UNC5D: variants seen among roughly 807,000 people sequenced by gnomAD.
The protein encoded by UNC5D is netrin receptor UNC5D.
A neutral mutation model predicts 105.4 loss-of-function variants in UNC5D; 39 were observed. The observed-to-expected ratio is 0.37, with a 90% CI of 0.29 to 0.48. UNC5D has a LOEUF of 0.48. Ranked by LOEUF, UNC5D falls within the 20% of genes least tolerant of loss-of-function variation. UNC5D has a pLI of 0.98. For synonymous variants in UNC5D, 452 were observed against 450.4 expected (o/e 1.00, Z -0.04); for missense variants, 991 against 1,202.4 (o/e 0.82, Z 2.60).
At chr8:35,661,403 T>A (rs1044944026) in intron 4 of UNC5D, among the ~76,000 whole-genome samples, 1 of 152,182 alleles carries the variant, frequency 6.6e-6, no homozygotes, top group Non-Finnish European at 1.5e-5. Context: ...TGGTTTCCTT[T>A]TAGGTTGGTA....
chr8:35,544,201 C>A (rs1289410508), intron 1 of UNC5D, among the ~76,000 whole-genome samples: 1 of 152,140 alleles, frequency 6.6e-6, no homozygotes, highest in African/African-American at 2.4e-5. Flanking sequence ...TAAACGGCAG[C>A]TCTTATTTTG....
At chr8:35,535,763 G>C (rs1484883843) in intron 1 of UNC5D, among the ~76,000 whole-genome samples, 1 of 152,046 alleles carries the variant, frequency 6.6e-6, no homozygotes, top group Non-Finnish European at 1.5e-5. Flanking sequence ...CTCTTTCTCT[G>C]CTTCCTCCTT....
intron 1 of UNC5D, among the ~76,000 whole-genome samples, chr8:35,353,060 C>G (rs1812353645): frequency 6.6e-6 from 1 of 152,106 alleles, no homozygotes; most frequent in South Asian, 2.1e-4. Flanking sequence ...TAAAGTTTGA[C>G]AAATTCAACT....
At chr8:35,258,951 G>T (rs1449468995) in intron 1 of UNC5D, among the ~76,000 whole-genome samples, 1 of 152,116 alleles carries the variant, frequency 6.6e-6, no homozygotes, top group Non-Finnish European at 1.5e-5. Context: ...GTGATTCAGG[G>T]CAGCACCAAG....
At chr8:35,758,343 T>G (rs1300386373) in intron 13 of UNC5D, among the ~76,000 whole-genome samples, 1 of 150,048 alleles carries the variant, frequency 6.7e-6, no homozygotes, top group Non-Finnish European at 1.5e-5. Flanking sequence ...CTATTTGTTT[T>G]CTAACAGTCT....
In UNC5D at chr8:35,498,236, TATC is replaced by T. The variant is rs570699579; in HGVS notation, c.104-51052_104-51050del. On this transcript the variant is annotated intron_variant, in intron 1 of 16. Coordinates refer to ENST00000404895, the MANE Select transcript of UNC5D (RefSeq NM_080872.4). ...AGGGGCTGAAAGTTTCCATTGGTAT[TATC>T]ATCTTGGATGCCATTTTTGACCTGG... 2.0e-3 allele frequency among the ~76,000 whole-genome samples: 308 copies of T among 151,966 alleles called. 1 individual carries two copies. The highest frequency in any genetic ancestry group is 3.5e-3 in the Non-Finnish European group (236 of 67,972).
intron 7 of UNC5D, among the ~76,000 whole-genome samples, chr8:35,699,982 G>C (rs1480228425): frequency 6.6e-6 from 1 of 152,184 alleles, no homozygotes; most frequent in Non-Finnish European, 1.5e-5. Flanking sequence ...CATGTTCTAT[G>C]ACCTAAATGA....
At chr8:35,292,086 G>A (rs927530029) in intron 1 of UNC5D, among the ~76,000 whole-genome samples, 1 of 152,142 alleles carries the variant, frequency 6.6e-6, no homozygotes, top group Admixed American at 6.5e-5. Context: ...CCAGTTTCTT[G>A]GGAGATTTTG....
chr8:35,476,101 A>G (rs1810077726), intron 1 of UNC5D, among the ~76,000 whole-genome samples: 3 of 152,210 alleles, frequency 2.0e-5, no homozygotes, highest in Non-Finnish European at 1.5e-5. Flanking sequence ...CAGTTGTGCT[A>G]TGTGCAAGCT....
At chr8:35,448,509 G>A (rs927628281) in intron 1 of UNC5D, among the ~76,000 whole-genome samples, 1 of 152,062 alleles carries the variant, frequency 6.6e-6, no homozygotes, top group African/African-American at 2.4e-5. Context: ...AAACCAGGCA[G>A]CATCAGCAGC....
Position 35,724,175 on chromosome 8 carries a change from T to C in UNC5D, c.1303+1780T>C, listed in dbSNP as rs1828735088. 6.8e-6 allele frequency: 10 copies of C among 1,476,928 alleles called. No homozygotes were observed. In the Middle Eastern group the frequency reaches 9.5e-4, roughly 140 times the overall value. The allele number at this position is 1,476,928 out of a possible 1,614,324, so 91.5% of individuals were successfully genotyped here. A position where few individuals can be genotyped will look rare whatever the true frequency, so the allele number is the denominator to read the frequency against. On this transcript the variant is annotated intron_variant, in intron 9 of 16. Transcript: ENST00000404895. ...CTTGCCTACACTTAAACTCAACTTA[T>C]GTGTATTGTAAATCTCTAAGACAAT...
intron 4 of UNC5D, among the ~76,000 whole-genome samples, chr8:35,642,548 T>G (rs1171306574): frequency 6.6e-6 from 1 of 152,024 alleles, no homozygotes; most frequent in Non-Finnish European, 1.5e-5. Flanking sequence ...GGGGTTAATT[T>G]TTTCTCTGAT....
rs548702956 is a variant in UNC5D at position 35,774,926 on chromosome 8, C to CAAAAAAAAA, written c.2657+456_2657+464dup. On this transcript the variant is annotated intron_variant, in intron 16 of 16. Transcript: ENST00000404895. The stretch of plus-strand genomic sequence containing the variant: ...TGGGCAACAGAGTAAGACCCTCCTC[C>CAAAAAAAAA]AAAAAAAAAAAAAAAGACACTCTGT... 5.2e-4 allele frequency among the ~76,000 whole-genome samples: 62 copies of CAAAAAAAAA among 120,350 alleles called. 4 individuals carry two copies. The highest frequency in any genetic ancestry group is 2.1e-3 in the African/African-American group (56 of 26,586). 79.0% of individuals were successfully genotyped at this position (120,350 alleles called of 152,430 possible).
intron 1 of UNC5D, among the ~76,000 whole-genome samples, chr8:35,316,745 C>T (rs1809333849): frequency 1.3e-5 from 2 of 151,898 alleles, no homozygotes; most frequent in African/African-American, 2.4e-5. Context: ...ATTGAGACTG[C>T]ATTTCTCTGT....
intron 4 of UNC5D, among the ~76,000 whole-genome samples, chr8:35,635,163 C>T (rs1449829663): frequency 6.6e-6 from 1 of 152,094 alleles, no homozygotes; most frequent in Non-Finnish European, 1.5e-5. Context: ...TAATATACAT[C>T]GTGTTTTGGG....
intron 1 of UNC5D, among the ~76,000 whole-genome samples, chr8:35,388,610 T>A (rs1803584065): frequency 6.6e-6 from 1 of 152,132 alleles, no homozygotes; most frequent in Non-Finnish European, 1.5e-5. Context: ...CATAGTATGG[T>A]TGTAGATTTT....
intron 2 of UNC5D, among the ~76,000 whole-genome samples, chr8:35,557,872 A>T: frequency 6.6e-6 from 1 of 151,920 alleles, no homozygotes; most frequent in East Asian, 1.9e-4. Flanking sequence ...TGGCTCACGC[A>T]TGTAATCCCA....
intron 1 of UNC5D, among the ~76,000 whole-genome samples, chr8:35,325,563 T>C (rs1181832751): frequency 1.3e-5 from 2 of 152,182 alleles, no homozygotes; most frequent in Admixed American, 6.5e-5. Context: ...ATTATACCTA[T>C]AGTACTTAGT....
chr8:35,408,422 A>G (rs1804946223), intron 1 of UNC5D, among the ~76,000 whole-genome samples: 2 of 151,332 alleles, frequency 1.3e-5, no homozygotes, highest in Non-Finnish European at 3.0e-5. Flanking sequence ...AAAAATGCAA[A>G]GAACAGAATG....
Sources: gnomAD v4.1 joint callset for allele counts (sites outside exome capture counted in the v4.1 genomes callset) on GRCh38, gnomAD v4.1.1 for gene constraint, MANE v1.5 for transcripts, NCBI Gene and HGNC (gene_info 2026-07-23, HGNC 2026-07-21) for gene names.